FYN: variants seen among roughly 807,000 people sequenced by gnomAD.
The protein encoded by FYN is FYN proto-oncogene, Src family tyrosine kinase.
A neutral mutation model predicts 70.2 loss-of-function variants in FYN; 10 were observed. The observed-to-expected ratio is 0.14, with a 90% confidence interval of 0.09 to 0.24. The LOEUF is 0.24. Among genes scored for constraint, FYN ranks in the 10% least tolerant of loss-of-function variants. FYN has a pLI of 1.00. For synonymous variants in FYN, 236 were observed against 248.6 expected (o/e 0.95, Z 0.48); for missense variants, 319 against 673.1 (o/e 0.47, Z 5.82).
chr6:111,833,954 T>C (rs60827543), intron 2 of FYN, among the ~76,000 whole-genome samples: 7,244 of 152,222 alleles, frequency 0.048, 293 homozygotes, highest in East Asian at 0.14. Context: ...CTTCCACTCA[T>C]ACAATGAGTG....
chr6:111,703,600 G>A (rs1462876584), intron 7 of FYN, among the ~76,000 whole-genome samples: 1 of 152,176 alleles, frequency 6.6e-6, no homozygotes, highest in Non-Finnish European at 1.5e-5. Flanking sequence ...ATAATGAAAA[G>A]TCCAACAGTT....
intron 2 of FYN, among the ~76,000 whole-genome samples, chr6:111,837,648 A>C (rs1186604388): frequency 6.6e-6 from 1 of 152,110 alleles, no homozygotes; most frequent in East Asian, 1.9e-4. Flanking sequence ...TCTTCATCTA[A>C]CTCCTGTTGG....
intron 2 of FYN, among the ~76,000 whole-genome samples, chr6:111,805,945 T>G (rs1049456647): frequency 2.6e-5 from 4 of 152,164 alleles, no homozygotes; most frequent in Non-Finnish European, 5.9e-5. Flanking sequence ...GTTTCTGCTT[T>G]TCCTAGTCTT....
intron 3 of FYN, among the ~76,000 whole-genome samples, chr6:111,731,871 T>C (rs1801474180): frequency 6.6e-6 from 1 of 152,140 alleles, no homozygotes; most frequent in Non-Finnish European, 1.5e-5. Context: ...TGGTTGAATA[T>C]GTCGTGCGTG....
chr6:111,778,159 C>T (rs1388492422), intron 3 of FYN, among the ~76,000 whole-genome samples: 1 of 152,126 alleles, frequency 6.6e-6, no homozygotes, highest in African/African-American at 2.4e-5. Flanking sequence ...AAGTAGAGGC[C>T]TCCTCAAGGA....
In FYN at chr6:111,674,981, G is replaced by A. The variant is rs1340342866; in HGVS notation, c.1274-351C>T. 2.0e-5 allele frequency among the ~76,000 whole-genome samples: 3 copies of A among 152,014 alleles called. No homozygotes were observed. In the East Asian group the frequency reaches 5.8e-4, roughly 29 times the overall value. ...ATAATGCTGCTCTCATGAGTCCTCG[G>A]GTATATAAGATAGTGTGGTCTCACT... On this transcript the variant is annotated intron_variant, in intron 12 of 13. Transcript: ENST00000354650.
intron 2 of FYN, among the ~76,000 whole-genome samples, chr6:111,825,736 G>T (rs1772811838): frequency 1.3e-5 from 2 of 152,192 alleles, no homozygotes; most frequent in African/African-American, 4.8e-5. Flanking sequence ...GGAAAGGTGG[G>T]AGAGCAGGTG....
At chr6:111,678,133 T>C (rs1190237482) in intron 12 of FYN, among the ~76,000 whole-genome samples, 8 of 151,422 alleles carry the variant, frequency 5.3e-5, no homozygotes, top group African/African-American at 2.0e-4. Context: ...TGTGTGTGTG[T>C]GTGTGTGTGT....
Position 111,703,993 on chromosome 6 carries a change from T to C in FYN, c.547+6A>G, listed in dbSNP as rs1258065791. ...ACAAGCCAACTTCTTCAACTCGTTA[T>C]CTTACCTTTGGTGGTTTCACTCTCG... On this transcript the variant is annotated splice_donor_region_variant and intron_variant, in intron 7 of 13. Coordinates refer to ENST00000354650, the MANE Select transcript of FYN (RefSeq NM_002037.5). 5 of 1,608,656 alleles carry C rather than the reference T, an allele frequency of 3.1e-6. No individual in the cohort carries two copies. The South Asian group carries it at 5.5e-5, about 18-fold the overall frequency.
chr6:111,781,649 C>T (rs1017635187), intron 2 of FYN, among the ~76,000 whole-genome samples: 3 of 152,208 alleles, frequency 2.0e-5, no homozygotes, highest in Admixed American at 2.0e-4. Flanking sequence ...CAGGCCATCC[C>T]TCCTCTGGTA....
At chr6:111,803,365 C>G (rs1345893249) in intron 2 of FYN, among the ~76,000 whole-genome samples, 1 of 152,050 alleles carries the variant, frequency 6.6e-6, no homozygotes, top group African/African-American at 2.4e-5. Flanking sequence ...TAAGGTTTTA[C>G]CCCACAATCT....
rs1274384596 is a variant in FYN at position 111,694,483 on chromosome 6, T to G, written c.1165A>C (p.Arg389=). The change falls in exon 12 of 14, where the codon AGA becomes CGA. Residue 389 remains arginine (R), a synonymous_variant. Transcript: ENST00000354650. This position sits in a 1 kb window ranked among gnomAD's most constrained non-coding sequence, Gnocchi z 5.0. ...AYIERMNYIH[R]DLRSANILVG... ...AGAATGTTTGCTGATCGCAGATCTCTATGGATATAATTCATGCGCTCGATG... is the reference window on the plus strand; with the variant it reads ...AGAATGTTTGCTGATCGCAGATCTCGATGGATATAATTCATGCGCTCGATG... 8.7e-6 allele frequency: 14 copies of G among 1,614,124 alleles called. No individual in the cohort carries two copies. The East Asian group carries it at 3.1e-4, about 36-fold the overall frequency.
At chr6:111,840,290 G>C (rs971019966) in intron 2 of FYN, among the ~76,000 whole-genome samples, 1 of 152,168 alleles carries the variant, frequency 6.6e-6, no homozygotes, top group Non-Finnish European at 1.5e-5. Context: ...GCTTATTCTG[G>C]ATTATGCAGC....
At chr6:111,705,360 A>G (rs1040695895) in intron 6 of FYN, among the ~76,000 whole-genome samples, 18 of 149,582 alleles carry the variant, frequency 1.2e-4, no homozygotes, top group Non-Finnish European at 2.1e-4. Context: ...CTGGATTGTG[A>G]TCTGTGTTCA....
rs1799498811 is a variant in FYN at position 111,694,688 on chromosome 6, G to A, written c.1059C>T (p.Phe353=). The part of the protein sequence containing the change: ...EYMNKGSLLD[F]LKDGEGRALK... ...GAGCTCTTCCTTCTCCATCTTTTAAGAAATCCAGTAAACTTCCTATGAACA... is the reference window on the plus strand; with the variant it reads ...GAGCTCTTCCTTCTCCATCTTTTAAAAAATCCAGTAAACTTCCTATGAACA... The change falls in exon 11 of 14, where the codon TTC becomes TTT. Residue 353 remains phenylalanine, a synonymous_variant. Coordinates refer to ENST00000354650, the MANE Select transcript of FYN (RefSeq NM_002037.5). The surrounding 1 kb of genome is among the most constrained non-coding windows in gnomAD (Gnocchi z 5.0). 2 of 1,613,628 alleles carry A rather than the reference G, an allele frequency of 1.2e-6. No homozygotes were observed. Among genetic ancestry groups the A allele is most frequent in the Non-Finnish European group, 1.7e-6 (2 of 1,179,752 alleles).
chr6:111,707,900 G>C (rs377528174), intron 6 of FYN, 22 bp downstream of exon 6: 38 of 1,577,472 alleles, frequency 2.4e-5, no homozygotes, highest in Non-Finnish European at 3.3e-5. Flanking sequence ...AAGTAGTTAA[G>C]TGAAAACAAA....
intron 3 of FYN, among the ~76,000 whole-genome samples, chr6:111,756,691 A>G (rs191076446): frequency 6.6e-6 from 1 of 152,350 alleles, no homozygotes; most frequent in African/African-American, 2.4e-5. Flanking sequence ...TAATTCCTGT[A>G]CTATCCGATT....
At chr6:111,782,204 C>G (rs146744708) in intron 2 of FYN, among the ~76,000 whole-genome samples, 1 of 152,244 alleles carries the variant, frequency 6.6e-6, no homozygotes, top group Non-Finnish European at 1.5e-5. Context: ...GATATAGGTA[C>G]TTTAAATAAA....
At chr6:111,799,700 G>A (rs990934370) in intron 2 of FYN, among the ~76,000 whole-genome samples, 1 of 152,164 alleles carries the variant, frequency 6.6e-6, no homozygotes, top group Non-Finnish European at 1.5e-5. Flanking sequence ...TCATGATGCT[G>A]CCTGTCCAGA....
Sources: allele counts gnomAD v4.1 joint callset (sites outside exome capture counted in the v4.1 genomes callset), GRCh38; gene constraint gnomAD v4.1.1; non-coding constraint Gnocchi (gnomAD v3.1); transcripts MANE v1.5; gene names NCBI Gene and HGNC (gene_info 2026-07-23, HGNC 2026-07-21).